Variants in YY1 observed in about 807,000 individuals in gnomAD.
YY1 encodes the protein YY1 transcription factor.
A neutral mutation model predicts 35.6 loss-of-function variants in YY1; 2 were observed. The ratio of observed to expected loss-of-function variants is 0.06; its 90% CI spans 0.02 to 0.18. The LOEUF (loss-of-function observed/expected upper bound fraction) is 0.18. YY1 is among the 10% of genes least tolerant of loss of function. The pLI is 1.00. For missense variants in YY1, 322 were observed against 573.4 expected (o/e 0.56, Z 4.48); for synonymous variants, 268 against 238.9 (o/e 1.12, Z -1.12).
chr14:100,276,347 G>A lies in YY1; in HGVS notation c.904-143G>A. 1 of 1,099,148 alleles carries A rather than the reference G, an allele frequency of 9.1e-7. No homozygotes were observed. The highest frequency in any genetic ancestry group is 1.3e-6 in the Non-Finnish European group (1 of 755,860). 68.1% of individuals were successfully genotyped at this position (1,099,148 alleles called of 1,614,324 possible). On this transcript the variant is annotated intron_variant, in intron 3 of 4. Transcript: ENST00000262238. The surrounding 1 kb of genome is among the most constrained non-coding windows in gnomAD (Gnocchi z 4.1). ...GCTTTTTGTCTTAAATGATATTAATGTTCTACCGTAATACTAAGTAAAATT... is the reference window on the plus strand; with the variant it reads ...GCTTTTTGTCTTAAATGATATTAATATTCTACCGTAATACTAAGTAAAATT...
In YY1 at chr14:100,282,162, C is replaced by T. The variant is rs1000160459; in HGVS notation, c.*4562C>T. On this transcript the variant is annotated 3_prime_UTR_variant, in exon 5 of 5. Transcript: ENST00000262238. ...GCCGAGCAGGCACCCAGCCCCATGT[C>T]CCCCGCCAGCATTCTGGATGTCAGA... 5.9e-5 allele frequency: 9 copies of T among 152,172 alleles called. No individual in the cohort carries two copies. The highest frequency in any genetic ancestry group is 2.2e-4 in the African/African-American group (9 of 41,424). 9.4% of individuals were successfully genotyped at this position (152,172 alleles called of 1,614,324 possible). A position where few individuals can be genotyped will look rare whatever the true frequency, so the allele number is the denominator to read the frequency against.
Position 100,260,005 on chromosome 14 carries a change from A to G in YY1, c.680-2299A>G, listed in dbSNP as rs74673551. 6.0e-3 allele frequency among the ~76,000 whole-genome samples: 916 copies of G among 151,738 alleles called. 7 individuals are homozygous for G. The highest frequency in any genetic ancestry group is 0.022 in the African/African-American group (901 of 41,010). On this transcript the variant is annotated intron_variant, in intron 1 of 4. Transcript: ENST00000262238. Reference sequence around the variant, plus strand: ...AATTGTGAAAATCAATTAAGAAACTACTACAGTCATTTAGGTTTGAGATAA... The same window carrying G: ...AATTGTGAAAATCAATTAAGAAACTGCTACAGTCATTTAGGTTTGAGATAA...
intron 2 of YY1, among the ~76,000 whole-genome samples, chr14:100,272,892 G>A (rs1028166368): frequency 6.7e-6 from 1 of 150,124 alleles, no homozygotes; most frequent in African/African-American, 2.4e-5. Context: ...GACATACCGC[G>A]TTTGATTTTC....
In YY1 at chr14:100,281,920, C is replaced by CA. The variant is rs1436941861; in HGVS notation, c.*4321dup. On this transcript the variant is annotated 3_prime_UTR_variant, in exon 5 of 5. Transcript: ENST00000262238. ...GCATCCACCCCCAGGCCCAAGGGATCAGTGTGGTGCCAGAGAGGATCTTTA... is the reference window on the plus strand; with the variant it reads ...GCATCCACCCCCAGGCCCAAGGGATCAAGTGTGGTGCCAGAGAGGATCTTTA... 2.0e-5 allele frequency: 3 copies of CA among 152,196 alleles called. No homozygotes were observed. Among genetic ancestry groups the CA allele is most frequent in the Non-Finnish European group, 4.4e-5 (3 of 68,060 alleles). The allele number at this position is 152,196 out of a possible 1,614,324, so 9.4% of individuals were successfully genotyped here. A position where few individuals can be genotyped will look rare whatever the true frequency, so the allele number is the denominator to read the frequency against.
intron 3 of YY1, among the ~76,000 whole-genome samples, chr14:100,275,132 A>C (rs1177735844): frequency 6.6e-6 from 1 of 152,244 alleles, no homozygotes; most frequent in Non-Finnish European, 1.5e-5. Context: ...TGCTAAAATA[A>C]GCCAAATAAA....
At chr14:100,241,835 G>T (rs1450837304) in intron 1 of YY1, among the ~76,000 whole-genome samples, 1 of 152,096 alleles carries the variant, frequency 6.6e-6, no homozygotes, top group African/African-American at 2.4e-5. Context: ...TTAGCCAGGC[G>T]TGATGGCGGG....
intron 2 of YY1, among the ~76,000 whole-genome samples, chr14:100,273,946 T>G (rs1356269085): frequency 2.6e-5 from 4 of 152,096 alleles, no homozygotes; most frequent in Non-Finnish European, 5.9e-5. Flanking sequence ...GCCAGACGGT[T>G]ACCACATTAC....
At chr14:100,241,143 C>T (rs994202742) in intron 1 of YY1, among the ~76,000 whole-genome samples, 10 of 152,170 alleles carry the variant, frequency 6.6e-5, no homozygotes, top group Middle Eastern at 3.2e-3. Flanking sequence ...CATATGCTAC[C>T]TAGCTAAATT....
chr14:100,271,599 G>A (rs746901270), intron 2 of YY1, among the ~76,000 whole-genome samples: 11 of 152,128 alleles, frequency 7.2e-5, no homozygotes, highest in Non-Finnish European at 1.5e-4. Flanking sequence ...GCTAGGACTC[G>A]GGTTTAAATA....
At position 100,276,897 on chromosome 14, in the gene YY1, G is replaced by T. The variant is rs1212291257; in HGVS notation, c.1062+249G>T. 1.3e-5 allele frequency: 7 copies of T among 552,178 alleles called. No individual in the cohort carries two copies. The highest frequency in any genetic ancestry group is 2.3e-5 in the Non-Finnish European group (7 of 309,106). 34.2% of individuals were successfully genotyped at this position (552,178 alleles called of 1,614,324 possible). A position where few individuals can be genotyped will look rare whatever the true frequency, so the allele number is the denominator to read the frequency against. On this transcript the variant is annotated intron_variant, in intron 4 of 4. Transcript: ENST00000262238. The surrounding 1 kb of genome is among the most constrained non-coding windows in gnomAD (Gnocchi z 4.1). ...TGATGGAGTACACTTTATGGCAGGA[G>T]GAGAACAGGATTGAAGAGCATACCT...
At chr14:100,257,705 G>T (rs1260064871) in intron 1 of YY1, among the ~76,000 whole-genome samples, 1 of 152,152 alleles carries the variant, frequency 6.6e-6, no homozygotes, top group African/African-American at 2.4e-5. Context: ...CTTGATCTTG[G>T]ACTTCTAGCT....
intron 2 of YY1, among the ~76,000 whole-genome samples, chr14:100,263,144 C>G (rs926195478): frequency 8.5e-4 from 129 of 152,176 alleles, no homozygotes; most frequent in African/African-American, 2.9e-3. Context: ...GTCCTGGCCT[C>G]AAGTGATCCG....
At chr14:100,263,969 C>G (rs1000374501) in intron 2 of YY1, 8 of 152,108 alleles carry the variant, frequency 5.3e-5, no homozygotes, top group Admixed American at 4.6e-4. Context: ...TCCTGCCACA[C>G]CTCCCGAGTA....
chr14:100,248,679 CT>C (rs11415073), intron 1 of YY1, among the ~76,000 whole-genome samples: 4,868 of 105,018 alleles, frequency 0.046, 55 homozygotes, highest in East Asian at 0.077. Flanking sequence ...GAGTAAAATT[CT>C]TTTTTTTTTT....
At chr14:100,258,555 G>A (rs1412564801) in intron 1 of YY1, among the ~76,000 whole-genome samples, 1 of 152,054 alleles carries the variant, frequency 6.6e-6, no homozygotes, top group African/African-American at 2.4e-5. Context: ...TAGTAGAGAC[G>A]GGGTTTCACC....
At chr14:100,253,975 G>C (rs900760982) in intron 1 of YY1, among the ~76,000 whole-genome samples, 3 of 151,954 alleles carry the variant, frequency 2.0e-5, no homozygotes, top group South Asian at 2.1e-4. Flanking sequence ...GATTACAGGT[G>C]CCCGCTACCA....
In YY1 at chr14:100,280,669, G is replaced by C. The variant is rs1891404793; in HGVS notation, c.*3069G>C. ...AAATGTCACTTATTTTGCTAAATAA[G>C]ACCCTTTCACAGGATAGTGTGCGCA... On this transcript the variant is annotated 3_prime_UTR_variant, in exon 5 of 5. Coordinates refer to ENST00000262238, the MANE Select transcript of YY1 (RefSeq NM_003403.5). 1 of 151,810 alleles carries C rather than the reference G, an allele frequency of 6.6e-6. No homozygotes were observed. Among genetic ancestry groups the C allele is most frequent in the Non-Finnish European group, 1.5e-5 (1 of 67,966 alleles). The allele number at this position is 151,810 out of a possible 1,614,324, so 9.4% of individuals were successfully genotyped here.
chr14:100,239,656 C>T lies in YY1; in HGVS notation c.412C>T (p.Pro138Ser). The T allele has an allele frequency of 1.2e-6, 2 of 1,610,040 alleles. No homozygotes were observed. The highest frequency in any genetic ancestry group is 1.7e-6 in the Non-Finnish European group (2 of 1,179,546). Residue 138 changes from proline (P) to serine (S), a missense_variant, in exon 1 of 5, where the codon CCG becomes TCG. Pro to Ser is a moderately conservative substitution (Grantham distance 74, BLOSUM62 -1). Around this residue, in one of 4 missense-constraint regions of YY1, gnomAD observed 152 missense variants for 167.1 expected, o/e 0.91. Transcript: ENST00000262238. The stretch of plus-strand genomic sequence containing the variant: ...TCAGATTCTCATCCCGGTGCCCGCG[C>T]CGGCCGGCGGCGACGACGACTACAT... Reference protein sequence around the residue: ...EDQILIPVPAPAGGDDDYIEQ... With the variant: ...EDQILIPVPASAGGDDDYIEQ...
At chr14:100,275,592 T>C (rs1026220406) in intron 3 of YY1, 1 of 152,314 alleles carries the variant, frequency 6.6e-6, no homozygotes, top group Non-Finnish European at 1.5e-5. Flanking sequence ...TACTTGTACA[T>C]ATTTATGGGG....
Sources: gnomAD v4.1 joint callset for allele counts (sites outside exome capture counted in the v4.1 genomes callset) on GRCh38, gnomAD v4.1.1 for gene constraint, gnomAD v4.1.1 regional missense constraint, Gnocchi (gnomAD v3.1) non-coding constraint, MANE v1.5 for transcripts, NCBI Gene and HGNC (gene_info 2026-07-23, HGNC 2026-07-21) for gene names.